Variants in MAP2K5 observed in about 807,000 individuals in gnomAD.
The protein encoded by MAP2K5 is mitogen-activated protein kinase kinase 5.
Under a neutral mutation model 83.1 loss-of-function variants are expected in MAP2K5, and 49 were observed. The ratio of observed to expected loss-of-function variants is 0.59; its 90% CI spans 0.47 to 0.75. MAP2K5 has a LOEUF of 0.75. Among genes scored for constraint, MAP2K5 ranks in the 30% least tolerant of loss-of-function variants. MAP2K5 has a pLI of 0.00. For synonymous variants in MAP2K5, 202 were observed against 191.8 expected, an observed-to-expected ratio of 1.05 and a Z score of -0.44; for missense variants, 457 against 557.5, an observed-to-expected ratio of 0.82 and a Z score of 1.82.
Position 67,725,833 on chromosome 15 carries a change from CTGAT to C in MAP2K5, c.1045-2080_1045-2077del, listed in dbSNP as rs980081255. Among the ~76,000 whole-genome samples, 4 of 150,886 alleles carry C rather than the reference CTGAT, an allele frequency of 2.7e-5. No individual in the cohort carries two copies. The South Asian group carries it at 8.3e-4, about 31-fold the overall frequency. ...TTCCTCCTGAATCAGTGTGCACACTCTGATTGGCCAGAAACAAACTATTTTCAAA... is the reference window on the plus strand; with the variant it reads ...TTCCTCCTGAATCAGTGTGCACACTCTGGCCAGAAACAAACTATTTTCAAA... On this transcript the variant is annotated intron_variant, in intron 16 of 21. Coordinates refer to ENST00000178640, the MANE Select transcript of MAP2K5 (RefSeq NM_145160.3).
At chr15:67,648,898 G>A (rs889992248) in intron 11 of MAP2K5, among the ~76,000 whole-genome samples, 8 of 151,926 alleles carry the variant, frequency 5.3e-5, no homozygotes, top group Non-Finnish European at 1.0e-4. Context: ...AGTTCTTTTG[G>A]GTATATACCT....
Position 67,774,139 on chromosome 15 carries a change from G to A in MAP2K5, c.1242+1387G>A, listed in dbSNP as rs1413982264. 1.3e-5 allele frequency among the ~76,000 whole-genome samples: 2 copies of A among 150,590 alleles called. No individual in the cohort carries two copies. Among genetic ancestry groups the A allele is most frequent in the Non-Finnish European group, 2.9e-5 (2 of 67,806 alleles). On this transcript the variant is annotated intron_variant, in intron 21 of 21. Coordinates refer to ENST00000178640, the MANE Select transcript of MAP2K5 (RefSeq NM_145160.3). The surrounding 1 kb of genome is among the most constrained non-coding windows in gnomAD (Gnocchi z 4.9). ...CAAGGCTAAAGGGTGAGTACTTTCA[G>A]TGCCTTGAAAGCAAGTGATGTGTGT...
At position 67,708,555 on chromosome 15, in the gene MAP2K5, C is replaced by T. The variant is rs1049625965; in HGVS notation, c.1044+5147C>T. Among the ~76,000 whole-genome samples the T allele has an allele frequency of 1.3e-5, 2 of 152,054 alleles. No homozygotes were observed. On this transcript the variant is annotated intron_variant, in intron 16 of 21. Transcript: ENST00000178640. The surrounding 1 kb of genome is among the most constrained non-coding windows in gnomAD (Gnocchi z 4.9). ...TGTTGCCCAGTGTTGCCTCGAATTC[C>T]TGGGGTCAAGTGATCCTCCTGCCTC...
chr15:67,669,227 G>T (rs7172776), intron 13 of MAP2K5, among the ~76,000 whole-genome samples: 2,858 of 152,206 alleles, frequency 0.019, 94 homozygotes, highest in African/African-American at 0.065. Flanking sequence ...TCATATTCTA[G>T]CAGTGATAGA....
At chr15:67,713,526 G>A (rs1340679834) in intron 16 of MAP2K5, among the ~76,000 whole-genome samples, 4 of 152,128 alleles carry the variant, frequency 2.6e-5, no homozygotes, top group African/African-American at 9.7e-5. Flanking sequence ...ACCTGAGGTC[G>A]GGAGTTTGAG....
At position 67,572,103 on chromosome 15, in the gene MAP2K5, TTCCTGAAGAGGGCAGTG is replaced by T. The variant is rs1418876978; in HGVS notation, c.253-8647_253-8631del. On this transcript the variant is annotated intron_variant, in intron 3 of 21. Transcript: ENST00000178640. The surrounding 1 kb of genome is among the most constrained non-coding windows in gnomAD (Gnocchi z 4.2). Reference sequence around the variant, plus strand: ...ATCTAGCTTTGGGGACCAAAAAGGCTTCCTGAAGAGGGCAGTGTCCAGGTGGAGTAAGTTAGGACAAG... The same window carrying T: ...ATCTAGCTTTGGGGACCAAAAAGGCTTCCAGGTGGAGTAAGTTAGGACAAG... Among the ~76,000 whole-genome samples, 1 of 152,182 alleles carries T rather than the reference TTCCTGAAGAGGGCAGTG, an allele frequency of 6.6e-6. No individual in the cohort carries two copies. The highest frequency in any genetic ancestry group is 1.5e-5 in the Non-Finnish European group (1 of 68,022).
chr15:67,765,576 T>C (rs1425670267), intron 19 of MAP2K5, among the ~76,000 whole-genome samples: 1 of 152,210 alleles, frequency 6.6e-6, no homozygotes, highest in East Asian at 1.9e-4. Context: ...CCTTGAATAT[T>C]AAAAGCATTT....
At chr15:67,763,666 A>T (rs1317129217) in intron 19 of MAP2K5, among the ~76,000 whole-genome samples, 1 of 150,784 alleles carries the variant, frequency 6.6e-6, no homozygotes, top group Non-Finnish European at 1.5e-5. Context: ...TTTTAAACAA[A>T]CTCGATTTTC....
chr15:67,567,303 G>A (rs1285622358), intron 3 of MAP2K5, among the ~76,000 whole-genome samples: 4 of 151,558 alleles, frequency 2.6e-5, no homozygotes, highest in African/African-American at 4.8e-5. Flanking sequence ...TCCACTTCTG[G>A]GATCACGGCT....
At chr15:67,597,381 T>C (rs546042394) in intron 7 of MAP2K5, among the ~76,000 whole-genome samples, 5 of 152,314 alleles carry the variant, frequency 3.3e-5, no homozygotes, top group African/African-American at 1.2e-4. Flanking sequence ...GATAGGAATG[T>C]CCCTCCATAC....
Position 67,738,666 on chromosome 15 carries a change from AGAG to A in MAP2K5, c.1075-9561_1075-9559del, listed in dbSNP as rs1345829358. On this transcript the variant is annotated intron_variant, in intron 17 of 21. Transcript: ENST00000178640. This position sits in a 1 kb window ranked among gnomAD's most constrained non-coding sequence, Gnocchi z 4.1. ...ACAGAATTGTGGGTAGACAGTGTAT[AGAG>A]GAGATGGGGATCCACCCACATACAC... is the stretch of plus-strand genomic sequence containing the variant. Among the ~76,000 whole-genome samples the A allele has an allele frequency of 6.6e-6, 1 of 152,346 alleles. No homozygotes were observed. The highest frequency in any genetic ancestry group is 1.9e-4 in the East Asian group (1 of 5,194).
chr15:67,740,857 G>T (rs567651147), intron 17 of MAP2K5, among the ~76,000 whole-genome samples: 1 of 151,782 alleles, frequency 6.6e-6, no homozygotes, highest in East Asian at 1.9e-4. Flanking sequence ...GCGAAACCCC[G>T]TCTCTACTAA....
At chr15:67,795,391 G>A (rs2090587722) in intron 21 of MAP2K5, among the ~76,000 whole-genome samples, 1 of 152,026 alleles carries the variant, frequency 6.6e-6, no homozygotes, top group Admixed American at 6.5e-5. Context: ...TGCTAATATT[G>A]CTTTAGCTGC....
intron 19 of MAP2K5, among the ~76,000 whole-genome samples, chr15:67,754,013 G>A (rs1485958417): frequency 1.3e-5 from 2 of 152,306 alleles, no homozygotes; most frequent in South Asian, 2.1e-4. Context: ...CAGTACGGAT[G>A]TACCTTGAAA....
At position 67,785,878 on chromosome 15, in the gene MAP2K5, T is replaced by C. The variant is rs896888051; in HGVS notation, c.1242+13126T>C. ...AGAGATTGAATTGGATGTCAGAAAA[T>C]ATAGCTTCAAGTACAGGCACTACCT... On this transcript the variant is annotated intron_variant, in intron 21 of 21. Coordinates refer to ENST00000178640, the MANE Select transcript of MAP2K5 (RefSeq NM_145160.3). This position sits in a 1 kb window ranked among gnomAD's most constrained non-coding sequence, Gnocchi z 4.4. Among the ~76,000 whole-genome samples, 16 of 152,132 alleles carry C rather than the reference T, an allele frequency of 1.1e-4. No homozygotes were observed. Among genetic ancestry groups the C allele is most frequent in the African/African-American group, 3.9e-4 (16 of 41,418 alleles).
chr15:67,793,329 A>G lies in MAP2K5; in HGVS notation c.1243-13317A>G, dbSNP rs192922316. ...TAGCTCATTATTATGGACATTGTCT[A>G]TTTGCCATGTTCTATACCAGTATCT... On this transcript the variant is annotated intron_variant, in intron 21 of 21. Transcript: ENST00000178640. This position sits in a 1 kb window ranked among gnomAD's most constrained non-coding sequence, Gnocchi z 4.6. Among the ~76,000 whole-genome samples, 26 of 152,230 alleles carry G rather than the reference A, an allele frequency of 1.7e-4. No homozygotes were observed. The highest frequency in any genetic ancestry group is 3.7e-4 in the Non-Finnish European group (25 of 68,024).
intron 9 of MAP2K5, among the ~76,000 whole-genome samples, chr15:67,639,760 A>G (rs1320188593): frequency 2.0e-5 from 3 of 152,220 alleles, no homozygotes; most frequent in African/African-American, 7.2e-5. Flanking sequence ...GTGTCTTTTA[A>G]GTTGAACTCG....
At chr15:67,605,906 A>G (rs1007580573) in intron 8 of MAP2K5, among the ~76,000 whole-genome samples, 11 of 152,348 alleles carry the variant, frequency 7.2e-5, no homozygotes, top group African/African-American at 2.4e-4. Flanking sequence ...ACATTCACCT[A>G]GAAGAAAAAG....
intron 8 of MAP2K5, among the ~76,000 whole-genome samples, chr15:67,624,972 A>C (rs2086283078): frequency 6.6e-6 from 1 of 152,160 alleles, no homozygotes; most frequent in Non-Finnish European, 1.5e-5. Context: ...AAATATGCAT[A>C]TTCTGTCGCG....
Sources: allele counts gnomAD v4.1 joint callset (sites outside exome capture counted in the v4.1 genomes callset), GRCh38; gene constraint gnomAD v4.1.1; non-coding constraint Gnocchi (gnomAD v3.1); transcripts MANE v1.5; gene names NCBI Gene and HGNC (gene_info 2026-07-23, HGNC 2026-07-21).